PLAA: variants seen among roughly 807,000 people sequenced by gnomAD.
PLAA encodes the protein phospholipase A2 activating protein.
Under a neutral mutation model 84.1 loss-of-function variants are expected in PLAA, and 48 were observed. That is an observed-to-expected ratio of 0.57 (90% CI 0.45 to 0.73). The LOEUF is 0.73. Among genes scored for constraint, PLAA ranks in the 30% least tolerant of loss-of-function variants. The pLI, the probability that PLAA is intolerant of heterozygous loss-of-function variation, is 0.00. For missense variants in PLAA, 903 were observed against 954.7 expected, an observed-to-expected ratio of 0.95 and a Z score of 0.71; for synonymous variants, 392 against 336.6, an observed-to-expected ratio of 1.16 and a Z score of -1.80.
chr9:26,910,498 C>G (rs1587150226), intron 11 of PLAA, 59 bp from the exon 12 acceptor site: 1 of 1,307,182 alleles, frequency 7.7e-7, no homozygotes, highest in East Asian at 2.3e-5. Context: ...TGAGATTTTT[C>G]TAACTATATG....
Position 26,947,145 on chromosome 9 carries a change from A to T in PLAA, c.-100T>A. The T allele has an allele frequency of 7.5e-7, 1 of 1,339,066 alleles. No homozygotes were observed. Among genetic ancestry groups the T allele is most frequent in the Non-Finnish European group, 9.7e-7 (1 of 1,027,590 alleles). The allele number at this position is 1,339,066 out of a possible 1,614,324, so 82.9% of individuals were successfully genotyped here. On this transcript the variant is annotated 5_prime_UTR_variant, in exon 1 of 14. Coordinates refer to ENST00000397292, the MANE Select transcript of PLAA (RefSeq NM_001031689.3). The stretch of plus-strand genomic sequence containing the variant: ...GGGCCGCGGCGGGAGAAGAGCCTGC[A>T]GGTAAGGGGCGGCCGGAGACCGGAA...
At chr9:26,917,036 T>C in intron 10 of PLAA, 61 bp downstream of exon 10, 1 of 1,338,118 alleles carries the variant, frequency 7.5e-7, no homozygotes, top group Non-Finnish European at 1.1e-6. Flanking sequence ...TGTAAAGCCA[T>C]GTGATGCAAG....
intron 13 of PLAA, among the ~76,000 whole-genome samples, chr9:26,907,142 A>G (rs903557821): frequency 6.9e-6 from 1 of 144,516 alleles, no homozygotes; most frequent in African/African-American, 2.7e-5. Context: ...ACATAATTGG[A>G]AAAAAAAAAA....
chr9:26,914,182 G>GT (rs761128362), intron 10 of PLAA, among the ~76,000 whole-genome samples: 4 of 152,122 alleles, frequency 2.6e-5, no homozygotes, highest in Non-Finnish European at 5.9e-5. Flanking sequence ...TAGAAGTTTA[G>GT]TAAACTACAA....
Position 26,946,985 on chromosome 9 carries a change from C to T in PLAA, c.61G>A (p.Val21Ile), listed in dbSNP as rs758308384. 3.8e-6 allele frequency: 6 copies of T among 1,594,090 alleles called. No homozygotes were observed. The highest frequency in any genetic ancestry group is 5.1e-6 in the Non-Finnish European group (6 of 1,171,018). Residue 21 changes from valine (V) to isoleucine (I), a missense_variant, in exon 1 of 14, where the codon GTA (valine) becomes ATA (isoleucine). Val to Ile is a conservative substitution (Grantham distance 29). Transcript: ENST00000397292. ...TAGGCGCAGCACACCAGGCCCCGTA[C>T]GTCCAGCTCGTGGCCCCGGAGCGAG... ...SCSLRGHELD[V>I]RGLVCCAYPP...
Position 26,908,624 on chromosome 9 carries a change from C to A in PLAA, c.1658-626G>T, listed in dbSNP as rs537773151. Among the ~76,000 whole-genome samples, 76 of 152,102 alleles carry A rather than the reference C, an allele frequency of 5.0e-4. 1 individual carries two copies. The highest frequency in any genetic ancestry group is 1.6e-3 in the African/African-American group (65 of 41,472). ...GGAACTACCAGCATGCACCACCACA[C>A]CAGCTAATTTTTGTATTTTTAGTAG... On this transcript the variant is annotated intron_variant, in intron 12 of 13. Coordinates refer to ENST00000397292, the MANE Select transcript of PLAA (RefSeq NM_001031689.3).
chr9:26,930,107 T>TTA (rs201110826), intron 2 of PLAA, among the ~76,000 whole-genome samples: 45 of 140,716 alleles, frequency 3.2e-4, no homozygotes, highest in African/African-American at 8.0e-4. Context: ...ATTATTATTA[T>TTA]TTTTTTTTTT....
intron 5 of PLAA, 52 bp downstream of exon 5, chr9:26,926,341 T>C: frequency 8.2e-7 from 1 of 1,215,796 alleles, no homozygotes; most frequent in South Asian, 1.3e-5. Context: ...ACAAATGGGA[T>C]GGAATAATGC....
intron 1 of PLAA, among the ~76,000 whole-genome samples, chr9:26,938,390 T>A (rs1051137345): frequency 2.0e-5 from 3 of 151,580 alleles, no homozygotes; most frequent in African/African-American, 7.3e-5. Context: ...TCTTGAAAAA[T>A]TTTTTTGGAG....
intron 1 of PLAA, among the ~76,000 whole-genome samples, chr9:26,942,646 G>A (rs112503491): frequency 0.013 from 2,019 of 152,298 alleles, 47 homozygotes; most frequent in African/African-American, 0.046. Context: ...ACTTTGGGAG[G>A]CCAAGGCGGG....
intron 12 of PLAA, among the ~76,000 whole-genome samples, chr9:26,909,341 A>G (rs149808372): frequency 3.9e-5 from 6 of 152,336 alleles, no homozygotes; most frequent in African/African-American, 1.2e-4. Flanking sequence ...TTTTAAAAAA[A>G]ATCTAAAAGT....
At position 26,913,015 on chromosome 9, in the gene PLAA, G is replaced by A. The variant is rs941989133; in HGVS notation, c.1555+864C>T. On this transcript the variant is annotated intron_variant, in intron 11 of 13. Transcript: ENST00000397292. The stretch of plus-strand genomic sequence containing the variant: ...AGGTGGGAGGATCATGTGAGCCCAG[G>A]AGTTTGAGCCCAGCCCAGGCAACAA... Among the ~76,000 whole-genome samples the A allele has an allele frequency of 3.9e-5, 6 of 152,100 alleles. No homozygotes were observed. In the South Asian group the frequency reaches 6.2e-4, roughly 16 times the overall value.
At chr9:26,908,039 A>G (rs1824289392) in intron 12 of PLAA, 41 bp from the exon 13 acceptor site, 3 of 1,468,184 alleles carry the variant, frequency 2.0e-6, no homozygotes, top group African/African-American at 1.4e-5. Flanking sequence ...TCTAACTGTA[A>G]TTGGCCAGAT....
intron 6 of PLAA, 35 bp downstream of exon 6, chr9:26,925,790 A>G (rs1437923463): frequency 1.2e-6 from 2 of 1,603,360 alleles, no homozygotes; most frequent in Non-Finnish European, 1.7e-6. Flanking sequence ...AGGCCTAGAC[A>G]TATAACATTT....
chr9:26,917,206 G>T, intron 9 of PLAA, 41 bp from the exon 10 acceptor site: 1 of 1,554,736 alleles, frequency 6.4e-7, no homozygotes, highest in African/African-American at 1.4e-5. Context: ...GTGCACCAAA[G>T]TTCTGAATTT....
intron 7 of PLAA, among the ~76,000 whole-genome samples, chr9:26,920,587 G>C (rs112483222): frequency 6.6e-6 from 1 of 152,000 alleles, no homozygotes; most frequent in Non-Finnish European, 1.5e-5. Context: ...TCAAAGGAAG[G>C]TTAACAAAAC....
At position 26,933,776 on chromosome 9, in the gene PLAA, G is replaced by A. The variant is rs187446190; in HGVS notation, c.343+1237C>T. 2.8e-3 allele frequency among the ~76,000 whole-genome samples: 373 copies of A among 133,924 alleles called. 2 individuals are homozygous for A. The highest frequency in any genetic ancestry group is 1.0e-2 in the African/African-American group (360 of 36,082). 87.9% of individuals were successfully genotyped at this position (133,924 alleles called of 152,430 possible). On this transcript the variant is annotated intron_variant, in intron 2 of 13. Transcript: ENST00000397292. ...TGCATTCCAGCCTGGGCGACAGAGC[G>A]AGACTCTGCCTCAAAAAAAAAAAAA...
chr9:26,915,903 A>G (rs1435640732), intron 10 of PLAA: 1 of 985,312 alleles, frequency 1.0e-6, no homozygotes, highest in African/African-American at 1.7e-5. Context: ...GTTTCAGGGC[A>G]TCACTGTTTC....
intron 2 of PLAA, among the ~76,000 whole-genome samples, chr9:26,928,854 T>C (rs1183183798): frequency 6.6e-6 from 1 of 152,210 alleles, no homozygotes; most frequent in Non-Finnish European, 1.5e-5. Context: ...AGTGGTTAAT[T>C]AAATGTCTTA....
Sources: allele counts gnomAD v4.1 joint callset (sites outside exome capture counted in the v4.1 genomes callset), GRCh38; gene constraint gnomAD v4.1.1; transcripts MANE v1.5; gene names NCBI Gene and HGNC (gene_info 2026-07-23, HGNC 2026-07-21).